The following ABCC5 variants were observed in gnomAD, a reference collection of about 807,000 sequenced individuals.
ABCC5 encodes the protein ATP binding cassette subfamily C member 5.
ABCC5 carries 61 observed loss-of-function variants against 160.9 expected under a neutral mutation model. That is an observed-to-expected ratio of 0.38 (90% CI 0.31 to 0.47). The LOEUF is 0.47. Among genes scored for constraint, ABCC5 ranks in the 20% least tolerant of loss-of-function variants. The pLI, the probability that ABCC5 is intolerant of heterozygous loss-of-function variation, is 0.99. For synonymous variants in ABCC5, 666 were observed against 700.6 expected (o/e 0.95, Z 0.78); for missense variants, 1,308 against 1,813.3 (o/e 0.72, Z 5.06).
At position 183,965,660 on chromosome 3, in the gene ABCC5, A is replaced by G. The variant is rs116455178; in HGVS notation, c.1834-159T>C. On this transcript the variant is annotated intron_variant, in intron 12 of 29. Coordinates refer to ENST00000334444, the MANE Select transcript of ABCC5 (RefSeq NM_005688.4). Reference sequence around the variant, plus strand: ...CCACCTTTAATTCCAAAGAGAGCTAAGCAGCAAAGAAAATCAAAGTTCTCC... The same window carrying G: ...CCACCTTTAATTCCAAAGAGAGCTAGGCAGCAAAGAAAATCAAAGTTCTCC... Among the ~76,000 whole-genome samples the G allele has an allele frequency of 4.8e-3, 726 of 152,344 alleles. 7 individuals carry two copies. The highest frequency in any genetic ancestry group is 0.016 in the African/African-American group (672 of 41,574).
chr3:183,984,801 C>T (rs904244329), intron 5 of ABCC5: 2 of 1,575,232 alleles, frequency 1.3e-6, no homozygotes, highest in Middle Eastern at 1.7e-4. Flanking sequence ...CCAAAGCCCC[C>T]TTTTCCTCAC....
chr3:183,963,568 G>A lies in ABCC5; in HGVS notation c.2052C>T (p.Asn684=), dbSNP rs1173074313. 1.2e-6 allele frequency: 2 copies of A among 1,613,872 alleles called. No homozygotes were observed. The highest frequency in any genetic ancestry group is 2.7e-5 in the African/African-American group (2 of 74,936). The part of the protein sequence containing the change: ...DLTEIGERGA[N]LSGGQRQRIS... ...TCCTCTGGCGCTGCCCACCGCTCAG[G>A]TTGGCTCCTCGCTCTCCAATCTACA... Residue 684 remains asparagine, a synonymous_variant, in exon 15 of 30, where the codon AAC becomes AAT. Coordinates refer to ENST00000334444, the MANE Select transcript of ABCC5 (RefSeq NM_005688.4). The surrounding 1 kb of genome is among the most constrained non-coding windows in gnomAD (Gnocchi z 4.6).
At chr3:184,000,258 C>G (rs917733463) in intron 2 of ABCC5, among the ~76,000 whole-genome samples, 1 of 151,726 alleles carries the variant, frequency 6.6e-6, no homozygotes, top group Non-Finnish European at 1.5e-5. Context: ...GTGGGAGGAT[C>G]GCTTGAGCCA....
At chr3:183,943,273 G>A (rs1714535777) in intron 24 of ABCC5, among the ~76,000 whole-genome samples, 1 of 152,142 alleles carries the variant, frequency 6.6e-6, no homozygotes, top group African/African-American at 2.4e-5. Context: ...AGTTTTTACT[G>A]AAATTCTTTG....
At chr3:183,945,268 A>G (rs1560482469) in intron 24 of ABCC5, among the ~76,000 whole-genome samples, 1 of 152,228 alleles carries the variant, frequency 6.6e-6, no homozygotes, top group Non-Finnish European at 1.5e-5. Context: ...GACAGCAGCA[A>G]GATGCCTGCC....
At chr3:183,929,715 A>G (rs1412689414) in intron 26 of ABCC5, among the ~76,000 whole-genome samples, 1 of 152,220 alleles carries the variant, frequency 6.6e-6, no homozygotes, top group Non-Finnish European at 1.5e-5. Flanking sequence ...CCTCAAGGAA[A>G]TCAGAGTTGA....
At chr3:183,926,869 A>G (rs904098350) in intron 28 of ABCC5, among the ~76,000 whole-genome samples, 6 of 151,752 alleles carry the variant, frequency 4.0e-5, no homozygotes, top group South Asian at 2.1e-4. Flanking sequence ...ACATGGTGAA[A>G]CCCCATCTCT....
chr3:183,980,373 T>C (rs1718605887), intron 8 of ABCC5, among the ~76,000 whole-genome samples: 1 of 152,216 alleles, frequency 6.6e-6, no homozygotes, highest in African/African-American at 2.4e-5. Context: ...CAGGTAAAGA[T>C]AACCAGTCAG....
intron 2 of ABCC5, among the ~76,000 whole-genome samples, chr3:184,010,266 C>CAAAA (rs10541470): frequency 1.6e-4 from 12 of 74,430 alleles, no homozygotes; most frequent in Non-Finnish European, 2.0e-4. Context: ...GACTTCGTCT[C>CAAAA]AAAAAAAAAA....
At chr3:184,000,349 A>T (rs1720648363) in intron 2 of ABCC5, among the ~76,000 whole-genome samples, 1 of 152,016 alleles carries the variant, frequency 6.6e-6, no homozygotes, top group Non-Finnish European at 1.5e-5. Context: ...TCTCTAAATA[A>T]ATAAATAAAT....
Position 183,963,749 on chromosome 3 carries a change from C to T in ABCC5, c.2032-161G>A, listed in dbSNP as rs1159527457. On this transcript the variant is annotated intron_variant, in intron 14 of 29. Coordinates refer to ENST00000334444, the MANE Select transcript of ABCC5 (RefSeq NM_005688.4). This position sits in a 1 kb window ranked among gnomAD's most constrained non-coding sequence, Gnocchi z 4.6. ...GATTCCCCGCAGATGAACTGCCATG[C>T]TGATCCTTCAACGAAGTGGGGGAGT... 6.7e-6 allele frequency among the ~76,000 whole-genome samples: 1 copy of T among 149,116 alleles called. No individual in the cohort carries two copies. The highest frequency in any genetic ancestry group is 1.5e-5 in the Non-Finnish European group (1 of 68,040).
chr3:183,994,345 C>T (rs919781549), intron 2 of ABCC5, among the ~76,000 whole-genome samples: 3 of 151,414 alleles, frequency 2.0e-5, no homozygotes, highest in Non-Finnish European at 4.4e-5. Context: ...AATCTAGTTT[C>T]CCCACATCCT....
intron 26 of ABCC5, among the ~76,000 whole-genome samples, chr3:183,934,951 C>T (rs1713543014): frequency 6.6e-6 from 1 of 152,112 alleles, no homozygotes; most frequent in African/African-American, 2.4e-5. Flanking sequence ...GTTTAACGTG[C>T]TTTATTTCTT....
At chr3:183,981,037 C>A (rs751745976) in intron 8 of ABCC5, among the ~76,000 whole-genome samples, 32 of 152,184 alleles carry the variant, frequency 2.1e-4, no homozygotes, top group Non-Finnish European at 4.6e-4. Context: ...TCTACTCCAA[C>A]TATAATGCAT....
chr3:183,946,389 G>A (rs114556477), intron 23 of ABCC5, among the ~76,000 whole-genome samples: 2 of 152,200 alleles, frequency 1.3e-5, no homozygotes, highest in Non-Finnish European at 2.9e-5. Context: ...CATAGACTGC[G>A]GAGTCTAAAA....
chr3:183,956,584 G>A (rs1053775237), intron 17 of ABCC5, among the ~76,000 whole-genome samples: 2 of 142,446 alleles, frequency 1.4e-5, no homozygotes, highest in Non-Finnish European at 3.1e-5. Context: ...ATATCACATC[G>A]GTTACATGCA....
chr3:184,010,875 G>A (rs1309675886), intron 2 of ABCC5, among the ~76,000 whole-genome samples: 1 of 143,420 alleles, frequency 7.0e-6, no homozygotes, highest in East Asian at 2.1e-4. Flanking sequence ...TTGGTTCACT[G>A]CAACTTCCGC....
chr3:183,924,396 T>C (rs1041824557), intron 29 of ABCC5, among the ~76,000 whole-genome samples: 2 of 152,188 alleles, frequency 1.3e-5, no homozygotes, highest in Non-Finnish European at 1.5e-5. Flanking sequence ...TGTCTTTCTC[T>C]AGGTTGTTGT....
Position 183,931,001 on chromosome 3 carries a change from G to A in ABCC5, c.3855-2176C>T, listed in dbSNP as rs373869797. 6.6e-5 allele frequency among the ~76,000 whole-genome samples: 10 copies of A among 152,238 alleles called. No homozygotes were observed. In the East Asian group the frequency reaches 1.2e-3, roughly 18 times the overall value. On this transcript the variant is annotated intron_variant, in intron 26 of 29. Transcript: ENST00000334444. Reference sequence around the variant, plus strand: ...CTCAAACCACAAATAGTACTGAACCGTATAAATGCTATGTTTTTTTCCCCT... The same window carrying A: ...CTCAAACCACAAATAGTACTGAACCATATAAATGCTATGTTTTTTTCCCCT...
Sources: allele counts gnomAD v4.1 joint callset (sites outside exome capture counted in the v4.1 genomes callset), GRCh38; gene constraint gnomAD v4.1.1; non-coding constraint Gnocchi (gnomAD v3.1); transcripts MANE v1.5; gene names NCBI Gene and HGNC (gene_info 2026-07-23, HGNC 2026-07-21).